Variants in RNF38 observed in about 807,000 individuals in gnomAD.
RNF38 encodes E3 ubiquitin-protein ligase RNF38.
A neutral mutation model predicts 67.2 loss-of-function variants in RNF38; 15 were observed. The ratio of observed to expected loss-of-function variants is 0.22; its 90% CI spans 0.15 to 0.34. RNF38 has a LOEUF of 0.34. Ranked by LOEUF, RNF38 falls within the 10% of genes least tolerant of loss-of-function variation. RNF38 has a pLI of 1.00. For synonymous variants in RNF38, 220 were observed against 218.8 expected, an observed-to-expected ratio of 1.01 and a Z score of -0.05; for missense variants, 524 against 639.9, an observed-to-expected ratio of 0.82 and a Z score of 1.95.
At chr9:36,485,351 A>G (rs567751568) in intron 1 of RNF38, among the ~76,000 whole-genome samples, 2 of 148,558 alleles carry the variant, frequency 1.3e-5, no homozygotes, top group East Asian at 1.9e-4. Context: ...AGGTAAATGA[A>G]TATGTCTGCC....
At position 36,416,183 on chromosome 9, in the gene RNF38, G is replaced by A. The variant is rs1391002635; in HGVS notation, n.312+8430C>T. Among the ~76,000 whole-genome samples the A allele has an allele frequency of 2.7e-5, 4 of 148,922 alleles. No individual in the cohort carries two copies. In the East Asian group the frequency reaches 8.0e-4, roughly 30 times the overall value. On this transcript the variant is annotated intron_variant and non_coding_transcript_variant, in intron 2 of 3. Transcript: ENST00000488058. ...GGGCGGGGCTTGCTGTGGCCACAGG[G>A]CGGAGGGAGGGGGAGGGGGTGGGAG...
intron 6 of RNF38, among the ~76,000 whole-genome samples, chr9:36,354,689 G>A (rs1242445802): frequency 6.6e-6 from 1 of 152,156 alleles, no homozygotes; most frequent in African/African-American, 2.4e-5. Context: ...CATTTGGATT[G>A]TCCACTCTTT....
At position 36,400,126 on chromosome 9, in the gene RNF38, C is replaced by CT. The variant is rs759065114; in HGVS notation, c.-19dup. The CT allele has an allele frequency of 1.8e-5, 29 of 1,611,948 alleles. No individual in the cohort carries two copies. Among genetic ancestry groups the CT allele is most frequent in the Non-Finnish European group, 2.3e-5 (27 of 1,179,072 alleles). On this transcript the variant is annotated 5_prime_UTR_variant, in exon 1 of 12. Transcript: ENST00000259605. The stretch of plus-strand genomic sequence containing the variant: ...CAAGCCATACAGACGTAAACAAAAA[C>CT]TTTATTTCTTTTTGGACCTCAATAA...
At chr9:36,464,871 TAAAG>T in intron 1 of RNF38, among the ~76,000 whole-genome samples, 1 of 152,084 alleles carries the variant, frequency 6.6e-6, no homozygotes, top group Non-Finnish European at 1.5e-5. Flanking sequence ...AAGAAAAAAG[TAAAG>T]AAAGCAAATG....
chr9:36,381,452 A>G (rs1160038524), intron 2 of RNF38, among the ~76,000 whole-genome samples: 1 of 152,180 alleles, frequency 6.6e-6, no homozygotes, highest in Non-Finnish European at 1.5e-5. Context: ...TAATGTTAAA[A>G]TAGAAATTAT....
intron 2 of RNF38, among the ~76,000 whole-genome samples, chr9:36,415,098 G>A (rs568953691): frequency 6.6e-6 from 1 of 152,244 alleles, no homozygotes; most frequent in South Asian, 2.1e-4. Context: ...TCTCTAGCAA[G>A]GCCAGGGAAA....
chr9:36,355,886 G>A (rs1191240864), intron 6 of RNF38, among the ~76,000 whole-genome samples: 1 of 152,058 alleles, frequency 6.6e-6, no homozygotes, highest in African/African-American at 2.4e-5. Context: ...TCACTCTGTC[G>A]CCCAGGCTGG....
chr9:36,351,049 G>C (rs904840771), intron 9 of RNF38, 66 bp downstream of exon 9: 1 of 1,170,386 alleles, frequency 8.5e-7, no homozygotes, highest in African/African-American at 1.5e-5. Flanking sequence ...GGTTTAAAGA[G>C]TTAAGTAGAA....
At chr9:36,370,211 A>G (rs998110392) in intron 3 of RNF38, among the ~76,000 whole-genome samples, 2 of 152,314 alleles carry the variant, frequency 1.3e-5, no homozygotes, top group South Asian at 2.1e-4. Context: ...TGCCCTTTTT[A>G]TAAGTGAAAA....
At chr9:36,434,853 TTA>T (rs958801266) in intron 1 of RNF38, among the ~76,000 whole-genome samples, 3 of 152,226 alleles carry the variant, frequency 2.0e-5, no homozygotes, top group African/African-American at 7.2e-5. Flanking sequence ...GCCTTATACA[TTA>T]TATCCCAAGT....
chr9:36,427,771 T>C (rs554712904), intron 1 of RNF38, among the ~76,000 whole-genome samples: 1 of 152,060 alleles, frequency 6.6e-6, no homozygotes, highest in South Asian at 2.1e-4. Context: ...AGGGTAGTGG[T>C]GCGATCTTGG....
intron 2 of RNF38, among the ~76,000 whole-genome samples, chr9:36,423,718 G>C (rs1239877365): frequency 3.8e-5 from 1 of 25,976 alleles, no homozygotes; most frequent in Non-Finnish European, 1.2e-4. Context: ...GGGAGGCCGA[G>C]GCGGGCGGAT....
At chr9:36,380,818 G>A (rs1213335876) in intron 2 of RNF38, among the ~76,000 whole-genome samples, 2 of 152,172 alleles carry the variant, frequency 1.3e-5, no homozygotes, top group African/African-American at 2.4e-5. Flanking sequence ...TTAAAATGCA[G>A]TGCTAAATGC....
At chr9:36,439,472 T>A (rs2134291432) in intron 1 of RNF38, among the ~76,000 whole-genome samples, 1 of 152,258 alleles carries the variant, frequency 6.6e-6, no homozygotes, top group Admixed American at 6.5e-5. Flanking sequence ...AACACAGCAC[T>A]GTGGCACAGA....
intron 1 of RNF38, among the ~76,000 whole-genome samples, chr9:36,485,590 G>A (rs1840388485): frequency 6.6e-6 from 1 of 152,116 alleles, no homozygotes; most frequent in South Asian, 2.1e-4. Flanking sequence ...TTGCTTTTAA[G>A]TATACATTTG....
intron 2 of RNF38, among the ~76,000 whole-genome samples, chr9:36,423,277 C>A (rs1838674270): frequency 6.6e-6 from 1 of 152,126 alleles, no homozygotes; most frequent in South Asian, 2.1e-4. Context: ...ATGCTATAAG[C>A]TACCACTCTC....
intron 2 of RNF38, among the ~76,000 whole-genome samples, chr9:36,379,616 A>G (rs1836052349): frequency 6.6e-6 from 1 of 152,214 alleles, no homozygotes; most frequent in South Asian, 2.1e-4. Context: ...TCTGATTTGA[A>G]GCTATTACAC....
intron 1 of RNF38, among the ~76,000 whole-genome samples, chr9:36,476,577 G>A (rs945163701): frequency 1.0e-4 from 15 of 143,098 alleles, no homozygotes; most frequent in Admixed American, 3.7e-4. Flanking sequence ...AGGCTGGAGC[G>A]CGATGGCATG....
intron 2 of RNF38, among the ~76,000 whole-genome samples, chr9:36,416,740 A>ATT (rs1491451376): frequency 1.5e-3 from 107 of 72,874 alleles, no homozygotes; most frequent in Non-Finnish European, 1.8e-3. Context: ...TGCTGCCTCG[A>ATT]TATTTTTTTT....
Sources: gnomAD v4.1 joint callset for allele counts (sites outside exome capture counted in the v4.1 genomes callset) on GRCh38, gnomAD v4.1.1 for gene constraint, MANE v1.5 for transcripts, NCBI Gene and HGNC (gene_info 2026-07-23, HGNC 2026-07-21) for gene names.